The following UBE2V2 variants were observed in gnomAD, a reference collection of about 807,000 sequenced individuals.
UBE2V2 encodes ubiquitin conjugating enzyme E2 V2, also known as ubiquitin-conjugating enzyme E2 variant 2.
UBE2V2 carries 9 observed loss-of-function variants against 17.2 expected under a neutral mutation model. That is an observed-to-expected ratio of 0.52 (90% CI 0.32 to 0.91). The LOEUF (loss-of-function observed/expected upper bound fraction) is 0.91. Among genes scored for constraint, UBE2V2 ranks in the 40% least tolerant of loss-of-function variants. The probability of loss-of-function intolerance (pLI) is 0.04; values close to 1 mark genes in which losing one functional copy is unlikely to be tolerated. For missense variants in UBE2V2, 133 were observed against 182.6 expected, an observed-to-expected ratio of 0.73 and a Z score of 1.56; for synonymous variants, 61 against 57.5, an observed-to-expected ratio of 1.06 and a Z score of -0.28.
chr8:48,009,349 T>A (rs1203180474), intron 1 of UBE2V2, among the ~76,000 whole-genome samples: 1 of 145,984 alleles, frequency 6.9e-6, no homozygotes, highest in Non-Finnish European at 1.5e-5. Flanking sequence ...CACTGCAACC[T>A]CCACCTCCCA....
chr8:48,031,394 T>A (rs1158998201), intron 1 of UBE2V2, among the ~76,000 whole-genome samples: 1 of 152,210 alleles, frequency 6.6e-6, no homozygotes, highest in Non-Finnish European at 1.5e-5. Flanking sequence ...TATTTTCCCC[T>A]TATCTAGCTG....
At chr8:48,049,543 G>T in intron 2 of UBE2V2, 1 of 192,242 alleles carries the variant, frequency 5.2e-6, no homozygotes, top group Non-Finnish European at 1.1e-5. Flanking sequence ...TTCCTTCTTC[G>T]TTCTAATTTG....
In UBE2V2 at chr8:48,035,953, T is replaced by C. The variant is rs553044618; in HGVS notation, c.17-7080T>C. ...ACTTTTCTCCCCTTGCCTTTCTTTT[T>C]TTTTTTTTTTTTTTTGAGACCGAAT... On this transcript the variant is annotated intron_variant, in intron 1 of 3. Coordinates refer to ENST00000523111, the MANE Select transcript of UBE2V2 (RefSeq NM_003350.3). 4.4e-4 allele frequency among the ~76,000 whole-genome samples: 57 copies of C among 130,322 alleles called. 1 individual carries two copies. The South Asian group carries it at 0.011, about 24-fold the overall frequency. 85.5% of individuals were successfully genotyped at this position (130,322 alleles called of 152,430 possible).
intron 1 of UBE2V2, 40 bp downstream of exon 1, chr8:48,008,510 C>T (rs781134452): frequency 2.6e-6 from 4 of 1,553,214 alleles, no homozygotes; most frequent in East Asian, 5.3e-5. Flanking sequence ...TCCGCTCCGA[C>T]CCGGCTCTGC....
At chr8:48,047,505 CTCTT>C (rs1370069594) in intron 2 of UBE2V2, among the ~76,000 whole-genome samples, 2 of 151,832 alleles carry the variant, frequency 1.3e-5, no homozygotes, top group Non-Finnish European at 2.9e-5. Context: ...TGTTTTTCTC[CTCTT>C]TTTTTTGCTC....
intron 1 of UBE2V2, among the ~76,000 whole-genome samples, chr8:48,014,788 C>T (rs146968196): frequency 5.9e-5 from 9 of 151,756 alleles, no homozygotes; most frequent in Admixed American, 1.3e-4. Flanking sequence ...TGGTGGCTCA[C>T]GCCCGTAATC....
chr8:48,008,703 G>C (rs1413309523), intron 1 of UBE2V2: 2 of 266,710 alleles, frequency 7.5e-6, no homozygotes, highest in Non-Finnish European at 1.2e-5. Flanking sequence ...CGGGCTGGGG[G>C]CGGGGTGGCT....
At chr8:48,040,992 G>A (rs2091460059) in intron 1 of UBE2V2, among the ~76,000 whole-genome samples, 1 of 149,690 alleles carries the variant, frequency 6.7e-6, no homozygotes, top group Non-Finnish European at 1.5e-5. Flanking sequence ...AGCCTCCCGA[G>A]TAGCTGGGAC....
At chr8:48,045,501 C>T (rs945981861) in intron 2 of UBE2V2, among the ~76,000 whole-genome samples, 2 of 152,184 alleles carry the variant, frequency 1.3e-5, no homozygotes, top group Non-Finnish European at 2.9e-5. Context: ...GAGTGGTTCT[C>T]ATGACCTACC....
At chr8:48,018,880 T>G (rs2091286408) in intron 1 of UBE2V2, among the ~76,000 whole-genome samples, 2 of 152,200 alleles carry the variant, frequency 1.3e-5, no homozygotes, top group East Asian at 3.8e-4. Flanking sequence ...ATTGACCCCT[T>G]TGTTATTACA....
At chr8:48,034,195 C>T (rs952960492) in intron 1 of UBE2V2, among the ~76,000 whole-genome samples, 1 of 150,834 alleles carries the variant, frequency 6.6e-6, no homozygotes, top group Non-Finnish European at 1.5e-5. Context: ...CATCTTGGCT[C>T]ACTGCATCCT....
chr8:48,009,119 C>G (rs2091208872), intron 1 of UBE2V2, among the ~76,000 whole-genome samples: 1 of 152,194 alleles, frequency 6.6e-6, no homozygotes, highest in South Asian at 2.1e-4. Flanking sequence ...CTCTTTCCTA[C>G]TGAATACAAT....
At position 48,061,608 on chromosome 8, in the gene UBE2V2, A is replaced by T. The variant is rs1802593449; in HGVS notation, c.*780A>T. ...TTCTATTATGTTGATGTATATGTAC[A>T]GTACCTTGCCAGGGAAGCAAAAATT... On this transcript the variant is annotated 3_prime_UTR_variant, in exon 4 of 4. Transcript: ENST00000523111. The T allele has an allele frequency of 6.6e-6, 1 of 152,666 alleles. No individual in the cohort carries two copies. The highest frequency in any genetic ancestry group is 1.5e-5 in the Non-Finnish European group (1 of 68,040). 9.5% of individuals were successfully genotyped at this position (152,666 alleles called of 1,614,324 possible).
chr8:48,058,911 A>G (rs1563861713), intron 3 of UBE2V2, among the ~76,000 whole-genome samples: 2 of 151,820 alleles, frequency 1.3e-5, no homozygotes, highest in Non-Finnish European at 2.9e-5. Context: ...CTTGTATATA[A>G]TCTTTTTTGT....
rs1419309673 is a variant in UBE2V2, at chr8:48,060,760, C to T, written c.370C>T (p.Arg124Cys). Residue 124 changes from arginine (R) to cysteine (C), a missense_variant, in exon 4 of 4, where the codon CGT becomes TGT. By Grantham distance (180) the Arg-to-Cys change is radical (BLOSUM62 -3). Coordinates refer to ENST00000523111, the MANE Select transcript of UBE2V2 (RefSeq NM_003350.3). ...TAAAGTTGTACTTCAAGAGCTAAGACGTCTAATGATGTCCAAAGAAAATAT... is the reference window on the plus strand; with the variant it reads ...TAAAGTTGTACTTCAAGAGCTAAGATGTCTAATGATGTCCAAAGAAAATAT... Reference protein sequence around the residue: ...SIKVVLQELRRLMMSKENMKL... With the variant: ...SIKVVLQELRCLMMSKENMKL... The T allele has an allele frequency of 7.0e-6, 11 of 1,571,612 alleles. No homozygotes were observed. The highest frequency in any genetic ancestry group is 3.9e-4 in the Middle Eastern group (2 of 5,168).
chr8:48,019,336 C>A (rs2091289510), intron 1 of UBE2V2, among the ~76,000 whole-genome samples: 1 of 152,020 alleles, frequency 6.6e-6, no homozygotes, highest in South Asian at 2.1e-4. Flanking sequence ...TGCACTCCAG[C>A]CTGGGTGACA....
At chr8:48,041,703 C>T (rs375680779) in intron 1 of UBE2V2, 2 of 151,652 alleles carry the variant, frequency 1.3e-5, no homozygotes, top group East Asian at 1.9e-4. Flanking sequence ...TTTCAGATAA[C>T]AATAAATTGA....
chr8:48,058,388 A>C (rs1229841538), intron 3 of UBE2V2, among the ~76,000 whole-genome samples: 1 of 151,602 alleles, frequency 6.6e-6, no homozygotes, highest in Non-Finnish European at 1.5e-5. Context: ...GAATCGCTTG[A>C]ACTGGGGAGG....
chr8:48,009,189 C>G (rs1419111191), intron 1 of UBE2V2, among the ~76,000 whole-genome samples: 1 of 151,840 alleles, frequency 6.6e-6, no homozygotes, highest in Non-Finnish European at 1.5e-5. Context: ...TAGACCATTT[C>G]AGAAATGTTA....
Sources: gnomAD v4.1 joint callset for allele counts (sites outside exome capture counted in the v4.1 genomes callset) on GRCh38, gnomAD v4.1.1 for gene constraint, MANE v1.5 for transcripts, NCBI Gene and HGNC (gene_info 2026-07-23, HGNC 2026-07-21) for gene names.